CNN3: variants seen among roughly 807,000 people sequenced by gnomAD.
CNN3 encodes the protein calponin 3.
A neutral mutation model predicts 39.0 loss-of-function variants in CNN3; 11 were observed. The ratio of observed to expected loss-of-function variants is 0.28; its 90% CI spans 0.18 to 0.47. The LOEUF (loss-of-function observed/expected upper bound fraction) is 0.47, where lower values mean the gene tolerates loss of function less well. Ranked by LOEUF, CNN3 falls within the 20% of genes least tolerant of loss-of-function variation. The probability of loss-of-function intolerance (pLI) is 0.99; values close to 1 mark genes in which losing one functional copy is unlikely to be tolerated. For synonymous variants in CNN3, 101 were observed against 138.3 expected, an observed-to-expected ratio of 0.73 and a Z score of 1.89; for missense variants, 266 against 403.4, an observed-to-expected ratio of 0.66 and a Z score of 2.92.
rs1049235489 is a variant in CNN3, at chr1:94,927,104, C to A, written c.-210G>T. 4.1e-6 allele frequency: 2 copies of A among 491,158 alleles called. No homozygotes were observed. The highest frequency in any genetic ancestry group is 2.0e-5 in the African/African-American group (1 of 48,920). The allele number at this position is 491,158 out of a possible 1,614,324, so 30.4% of individuals were successfully genotyped here. On this transcript the variant is annotated 5_prime_UTR_variant, in exon 1 of 7. Transcript: ENST00000370206. ...GAGCCTCGAGCTCCGCTGCGAAGCA[C>A]CCGGCTGCCTCGCTCGCCGCCCGCA...
Position 94,903,516 on chromosome 1 carries a change from G to T in CNN3, c.66C>A (p.Ser22=), listed in dbSNP as rs112502142. Residue 22 remains serine (S), a synonymous_variant, in exon 2 of 7, where the codon TCC becomes TCA. Transcript: ENST00000370206. ...LSAEVKNKIA[S]KYDHQAEEDL... is the part of the protein sequence containing the mutation. ...CTTCTTCTGCCTGATGATCATACTT[G>T]GAAGCAATCTGAAATACAGGTTAAC... 29 of 1,613,802 alleles carry T rather than the reference G, an allele frequency of 1.8e-5. No homozygotes were observed. The African/African-American group carries it at 1.9e-4, about 10-fold the overall frequency.
chr1:94,923,984 A>G (rs1480964985), intron 1 of CNN3, among the ~76,000 whole-genome samples: 1 of 152,132 alleles, frequency 6.6e-6, no homozygotes, highest in Non-Finnish European at 1.5e-5. Flanking sequence ...TAGAACTCAC[A>G]TATGCTAGAC....
intron 1 of CNN3, among the ~76,000 whole-genome samples, chr1:94,908,563 C>T (rs529205031): frequency 7.9e-5 from 12 of 152,162 alleles, no homozygotes; most frequent in South Asian, 2.1e-4. Context: ...TTTTTTGAGA[C>T]GGAGTCTCGC....
chr1:94,898,621 C>G (rs962117608), intron 6 of CNN3, among the ~76,000 whole-genome samples: 1 of 152,188 alleles, frequency 6.6e-6, no homozygotes, highest in Non-Finnish European at 1.5e-5. Flanking sequence ...CCACTCCCCT[C>G]TTTTTCAGAG....
At chr1:94,913,528 C>G (rs1178956462) in intron 1 of CNN3, among the ~76,000 whole-genome samples, 1 of 152,310 alleles carries the variant, frequency 6.6e-6, no homozygotes, top group African/African-American at 2.4e-5. Flanking sequence ...GGTTAAACCA[C>G]ATCTGTGGCA....
In CNN3 at chr1:94,903,390, G is replaced by C; in HGVS notation, c.179+13C>G. On this transcript the variant is annotated intron_variant, in intron 2 of 6. Coordinates refer to ENST00000370206, the MANE Select transcript of CNN3 (RefSeq NM_001839.5). ...GGAAGAGCAGAAACAGATTCTGGAG[G>C]GCTGTAACTCACTCGCAGAGGATGA... 6.4e-7 allele frequency: 1 copy of C among 1,570,402 alleles called. No individual in the cohort carries two copies.
At chr1:94,901,937 G>A in intron 4 of CNN3, 152 bp from the exon 5 acceptor site, 1 of 708,046 alleles carries the variant, frequency 1.4e-6, no homozygotes, top group Non-Finnish European at 2.4e-6. Flanking sequence ...TTTGAAATGT[G>A]AGTGTTCTAA....
In CNN3 at chr1:94,926,805, G is replaced by T; in HGVS notation, c.57+33C>A. ...CGCCAGGCCAGCCCAAGGGTGCCCCGGGGGCCCCCGCGCCCGCCCGAGCCA... is the reference window on the plus strand; with the variant it reads ...CGCCAGGCCAGCCCAAGGGTGCCCCTGGGGCCCCCGCGCCCGCCCGAGCCA... On this transcript the variant is annotated intron_variant, in intron 1 of 6. Coordinates refer to ENST00000370206, the MANE Select transcript of CNN3 (RefSeq NM_001839.5). This position sits in a 1 kb window ranked among gnomAD's most constrained non-coding sequence, Gnocchi z 4.2. 1 of 1,599,704 alleles carries T rather than the reference G, an allele frequency of 6.3e-7. No homozygotes were observed. The highest frequency in any genetic ancestry group is 8.5e-7 in the Non-Finnish European group (1 of 1,172,282).
intron 1 of CNN3, among the ~76,000 whole-genome samples, chr1:94,915,302 G>A (rs1571530389): frequency 6.6e-6 from 1 of 152,138 alleles, no homozygotes; most frequent in African/African-American, 2.4e-5. Flanking sequence ...CCCAAAGATA[G>A]GCTGGATGCA....
At chr1:94,916,286 G>C (rs1041494643) in intron 1 of CNN3, among the ~76,000 whole-genome samples, 8 of 152,080 alleles carry the variant, frequency 5.3e-5, no homozygotes, top group Non-Finnish European at 1.2e-4. Flanking sequence ...CACACCTGTA[G>C]TCCCAGCTAC....
intron 1 of CNN3, among the ~76,000 whole-genome samples, chr1:94,925,162 G>A (rs1452411055): frequency 6.6e-6 from 1 of 152,172 alleles, no homozygotes; most frequent in Non-Finnish European, 1.5e-5. Context: ...GTCACTTGAA[G>A]GGCTGCCAAC....
intron 4 of CNN3, 135 bp downstream of exon 4, chr1:94,901,986 T>C: frequency 1.2e-6 from 1 of 813,032 alleles, no homozygotes; most frequent in Non-Finnish European, 2.0e-6. Context: ...GTCAGCAGCC[T>C]TTCCACAAAG....
intron 1 of CNN3, among the ~76,000 whole-genome samples, chr1:94,916,040 C>T (rs1334900049): frequency 6.6e-6 from 1 of 152,156 alleles, no homozygotes; most frequent in Non-Finnish European, 1.5e-5. Context: ...GCACAGGCTA[C>T]CCTGTCTTCC....
chr1:94,921,484 T>C (rs1671442064), intron 1 of CNN3, among the ~76,000 whole-genome samples: 1 of 152,162 alleles, frequency 6.6e-6, no homozygotes, highest in Non-Finnish European at 1.5e-5. Flanking sequence ...AACGATCCAA[T>C]TGTGCTTACT....
In CNN3 at chr1:94,902,245, C is replaced by T. The variant is rs1384340801; in HGVS notation, c.260G>A (p.Gly87Asp). ...AGCCTGAATAGCTTTAATAAAGTTGCCAATATTCTCCAACTATAAAGAAGA... is the reference window on the plus strand; with the variant it reads ...AGCCTGAATAGCTTTAATAAAGTTGTCAATATTCTCCAACTATAAAGAAGA... ...SLNWPQLENI[G>D]NFIKAIQAYG... The change falls in exon 4 of 7, where the codon GGC (glycine) becomes GAC (aspartate). Residue 87 changes from glycine (G) to aspartate (D), a missense_variant. Gly to Asp is a moderately conservative substitution (Grantham distance 94). Transcript: ENST00000370206. 6.2e-7 allele frequency: 1 copy of T among 1,610,700 alleles called. No homozygotes were observed. Among genetic ancestry groups the T allele is most frequent in the Non-Finnish European group, 8.5e-7 (1 of 1,177,656 alleles).
chr1:94,923,428 T>C (rs963821842), intron 1 of CNN3, among the ~76,000 whole-genome samples: 3 of 152,124 alleles, frequency 2.0e-5, no homozygotes, highest in African/African-American at 7.2e-5. Flanking sequence ...TTATTGATCA[T>C]TTGGTGTCAT....
intron 3 of CNN3, 81 bp from the exon 4 acceptor site, chr1:94,902,339 C>T: frequency 2.5e-6 from 3 of 1,223,924 alleles, no homozygotes; most frequent in Non-Finnish European, 3.4e-6. Flanking sequence ...TCTTCATAAA[C>T]AGTTATAAGA....
rs549104371 is a variant in CNN3, at chr1:94,915,584, A to G, written c.57+11254T>C. ...GCATTACATCTTCCATCAGAGTGCT[A>G]TGCCCCAACACAAAGGTCTCTTGGA... On this transcript the variant is annotated intron_variant, in intron 1 of 6. Transcript: ENST00000370206. Among the ~76,000 whole-genome samples the G allele has an allele frequency of 2.0e-5, 3 of 152,334 alleles. No homozygotes were observed. The South Asian group carries it at 6.2e-4, about 32-fold the overall frequency.
At chr1:94,899,313 T>C in intron 6 of CNN3, 58 bp downstream of exon 6, 1 of 1,516,128 alleles carries the variant, frequency 6.6e-7, no homozygotes, top group Non-Finnish European at 8.9e-7. Context: ...TTTAAACTTC[T>C]GGTTAATAAA....
Sources: gnomAD v4.1 joint callset for allele counts (sites outside exome capture counted in the v4.1 genomes callset) on GRCh38, gnomAD v4.1.1 for gene constraint, Gnocchi (gnomAD v3.1) non-coding constraint, MANE v1.5 for transcripts, NCBI Gene and HGNC (gene_info 2026-07-23, HGNC 2026-07-21) for gene names.